Variants in TMTC2 observed in about 807,000 individuals in gnomAD.
The protein encoded by TMTC2 is transmembrane O-mannosyltransferase targeting cadherins 2.
In TMTC2, 43 loss-of-function variants were observed where a neutral mutation model predicts 82.4. The observed-to-expected ratio is 0.52, with a 90% confidence interval of 0.41 to 0.67. The LOEUF is 0.67. Among genes scored for constraint, TMTC2 ranks in the 30% least tolerant of loss-of-function variants. The pLI, the probability that TMTC2 is intolerant of heterozygous loss-of-function variation, is 0.00. For synonymous variants in TMTC2, 408 were observed against 381.9 expected (o/e 1.07, Z -0.80); for missense variants, 919 against 1,012.4 (o/e 0.91, Z 1.25).
At chr12:82,937,315 A>G (rs766095520) in intron 4 of TMTC2, among the ~76,000 whole-genome samples, 1 of 151,996 alleles carries the variant, frequency 6.6e-6, no homozygotes, top group African/African-American at 2.4e-5. Context: ...AATCTTTAGC[A>G]TTTCTTGGCT....
chr12:82,907,264 C>A (rs1019089913), intron 3 of TMTC2, among the ~76,000 whole-genome samples: 2 of 151,850 alleles, frequency 1.3e-5, no homozygotes, highest in African/African-American at 4.8e-5. Context: ...GAGTTCGAGA[C>A]CAGCCTGGCT....
chr12:82,838,125 C>T (rs949605851), intron 1 of TMTC2, among the ~76,000 whole-genome samples: 3 of 152,180 alleles, frequency 2.0e-5, no homozygotes, highest in Non-Finnish European at 2.9e-5. Flanking sequence ...TCCTTCTTCT[C>T]CCCTCCCTTA....
intron 4 of TMTC2, among the ~76,000 whole-genome samples, chr12:82,935,443 G>C (rs1876265503): frequency 6.6e-6 from 1 of 152,062 alleles, no homozygotes; most frequent in South Asian, 2.1e-4. Flanking sequence ...TTATGATGTT[G>C]ATTTGTCTTT....
intron 7 of TMTC2, among the ~76,000 whole-genome samples, chr12:82,969,885 T>TA (rs5799602): frequency 0.73 from 111,701 of 151,986 alleles, 43,185 homozygotes; most frequent in East Asian, 0.96. Flanking sequence ...ATAAAAAACA[T>TA]AAACAGATAA....
rs533929760 is a variant in TMTC2 at position 82,804,346 on chromosome 12, G to A, written c.84-52664G>A. Among the ~76,000 whole-genome samples, 11 of 151,324 alleles carry A rather than the reference G, an allele frequency of 7.3e-5. No individual in the cohort carries two copies. The South Asian group carries it at 2.3e-3, about 32-fold the overall frequency. ...CATCTATAAGTGTTCAGAAAGTGGAGACTGCTTTTATTGACTTCCTCTGAA... is the reference window on the plus strand; with the variant it reads ...CATCTATAAGTGTTCAGAAAGTGGAAACTGCTTTTATTGACTTCCTCTGAA... On this transcript the variant is annotated intron_variant, in intron 1 of 11. Coordinates refer to ENST00000321196, the MANE Select transcript of TMTC2 (RefSeq NM_152588.3).
rs1877977511 is a variant in TMTC2, at chr12:82,782,868, G to T, written c.84-74142G>T. 2.0e-5 allele frequency among the ~76,000 whole-genome samples: 3 copies of T among 152,006 alleles called. No homozygotes were observed. In the South Asian group the frequency reaches 6.2e-4, roughly 32 times the overall value. On this transcript the variant is annotated intron_variant, in intron 1 of 11. Coordinates refer to ENST00000321196, the MANE Select transcript of TMTC2 (RefSeq NM_152588.3). ...TAATTTTGATAATGTGACATTTATT[G>T]CAATGAAATTAACAAAAATTATTGA...
intron 2 of TMTC2, among the ~76,000 whole-genome samples, chr12:82,866,395 AT>A (rs760943530): frequency 2.6e-5 from 4 of 152,156 alleles, no homozygotes; most frequent in African/African-American, 4.8e-5. Flanking sequence ...TAGAAAAAAC[AT>A]TTTTTAAAGG....
At chr12:83,045,598 C>G (rs1305683911) in intron 9 of TMTC2, among the ~76,000 whole-genome samples, 1 of 151,858 alleles carries the variant, frequency 6.6e-6, no homozygotes, top group African/African-American at 2.4e-5. Flanking sequence ...TATTTATATA[C>G]ATGTATCTAT....
intron 4 of TMTC2, among the ~76,000 whole-genome samples, chr12:82,945,565 G>T (rs935865959): frequency 1.3e-5 from 2 of 152,138 alleles, no homozygotes; most frequent in Admixed American, 6.5e-5. Context: ...CTAAAATTAC[G>T]CTAACATGGA....
intron 7 of TMTC2, among the ~76,000 whole-genome samples, chr12:82,971,904 G>T (rs1878464677): frequency 1.3e-5 from 2 of 151,898 alleles, no homozygotes; most frequent in African/African-American, 4.8e-5. Flanking sequence ...TTCTCTCAAA[G>T]AACTTTCTGG....
intron 8 of TMTC2, among the ~76,000 whole-genome samples, chr12:83,020,863 T>G (rs931437429): frequency 1.3e-5 from 2 of 152,198 alleles, no homozygotes; most frequent in Non-Finnish European, 1.5e-5. Context: ...GCTAAACACC[T>G]TCATTTATGT....
At chr12:82,905,506 C>A (rs1345513310) in intron 3 of TMTC2, among the ~76,000 whole-genome samples, 3 of 152,076 alleles carry the variant, frequency 2.0e-5, no homozygotes, top group Non-Finnish European at 4.4e-5. Flanking sequence ...TTTTAATGCC[C>A]ATTTTTAATG....
chr12:82,766,106 C>G (rs1233298029), intron 1 of TMTC2, among the ~76,000 whole-genome samples: 1 of 152,148 alleles, frequency 6.6e-6, no homozygotes, highest in Non-Finnish European at 1.5e-5. Context: ...ATCCTAAAGG[C>G]TTGGAAGTTT....
intron 1 of TMTC2, among the ~76,000 whole-genome samples, chr12:82,792,582 T>C (rs1592525927): frequency 6.6e-6 from 1 of 152,200 alleles, no homozygotes; most frequent in Admixed American, 6.5e-5. Context: ...TTCTCCCATT[T>C]CAGCTCCCTG....
In TMTC2 at chr12:82,896,615, T is replaced by C. The variant is rs371590126; in HGVS notation, c.1452T>C (p.Tyr484=). The change falls in exon 3 of 12, where the codon TAT becomes TAC. Residue 484 remains tyrosine (Y), a synonymous_variant. Coordinates refer to ENST00000321196, the MANE Select transcript of TMTC2 (RefSeq NM_152588.3). ...NGDWQNEEML[Y]RSGIKVNPAK... ...ACTGGCAGAATGAGGAAATGCTTTA[T>C]AGATCAGGGATAAAAGTAAACCCAG... is the stretch of plus-strand genomic sequence containing the variant. The C allele has an allele frequency of 5.3e-5, 86 of 1,612,402 alleles. No individual in the cohort carries two copies. The highest frequency in any genetic ancestry group is 4.4e-5 in the Non-Finnish European group (52 of 1,179,566).
chr12:82,932,896 T>C (rs533568738), intron 4 of TMTC2, among the ~76,000 whole-genome samples: 1 of 152,340 alleles, frequency 6.6e-6, no homozygotes, highest in African/African-American at 2.4e-5. Flanking sequence ...GAGAAATGTA[T>C]TCAATTAGAA....
chr12:82,856,908 A>G (rs1026475162), intron 1 of TMTC2, 102 bp from the exon 2 acceptor site: 12 of 1,153,268 alleles, frequency 1.0e-5, no homozygotes, highest in Non-Finnish European at 1.1e-5. Context: ...ACAAAGCTAC[A>G]TAGTAACAAA....
chr12:83,033,701 A>G (rs540718545), intron 9 of TMTC2, among the ~76,000 whole-genome samples: 13 of 152,136 alleles, frequency 8.5e-5, no homozygotes, highest in Non-Finnish European at 1.6e-4. Flanking sequence ...CAGTGAGCCA[A>G]GATCGCACCA....
intron 11 of TMTC2, among the ~76,000 whole-genome samples, chr12:83,068,696 A>G (rs746110016): frequency 2.0e-5 from 3 of 152,110 alleles, no homozygotes; most frequent in East Asian, 3.9e-4. Flanking sequence ...ACATCCATAT[A>G]TTTTGTTTAT....
Sources: allele counts gnomAD v4.1 joint callset (sites outside exome capture counted in the v4.1 genomes callset), GRCh38; gene constraint gnomAD v4.1.1; transcripts MANE v1.5; gene names NCBI Gene and HGNC (gene_info 2026-07-23, HGNC 2026-07-21).